Variants in B3GALT1 observed in about 807,000 individuals in gnomAD.
B3GALT1 encodes UDP-Gal:betaGlcNAc beta 1,3-galactosyltransferase, polypeptide 1.
Under a neutral mutation model 23.2 loss-of-function variants are expected in B3GALT1, and 10 were observed. The observed-to-expected ratio is 0.43, with a 90% CI of 0.27 to 0.73. The LOEUF is 0.73. Ranked by LOEUF, B3GALT1 falls within the 30% of genes least tolerant of loss-of-function variation. B3GALT1 has a pLI of 0.21. For missense variants in B3GALT1, 299 were observed against 405.4 expected (o/e 0.74, Z 2.25); for synonymous variants, 156 against 141.5 (o/e 1.10, Z -0.73).
chr2:167,306,265 A>G (rs1200488914), intron 1 of B3GALT1, among the ~76,000 whole-genome samples: 1 of 152,032 alleles, frequency 6.6e-6, no homozygotes, highest in East Asian at 1.9e-4. Context: ...TTGTAATAAA[A>G]TATAAAATGA....
At chr2:167,375,654 TA>T (rs2105272595) in intron 1 of B3GALT1, among the ~76,000 whole-genome samples, 1 of 152,326 alleles carries the variant, frequency 6.6e-6, no homozygotes, top group Admixed American at 6.5e-5. Context: ...GTTATTGGTG[TA>T]TAGAAATGCT....
At chr2:167,448,531 A>C (rs556675690) in intron 1 of B3GALT1, among the ~76,000 whole-genome samples, 1 of 152,122 alleles carries the variant, frequency 6.6e-6, no homozygotes, top group African/African-American at 2.4e-5. Context: ...TCAGATGTAT[A>C]GATTGTGAAG....
At chr2:167,818,242 T>C (rs1689036545) in intron 3 of B3GALT1, among the ~76,000 whole-genome samples, 1 of 152,244 alleles carries the variant, frequency 6.6e-6, no homozygotes, top group Non-Finnish European at 1.5e-5. Flanking sequence ...TATTTCTGTT[T>C]TTCCCTAAAA....
chr2:167,494,899 G>A (rs1003572839), intron 2 of B3GALT1, among the ~76,000 whole-genome samples: 1 of 151,912 alleles, frequency 6.6e-6, no homozygotes, highest in South Asian at 2.1e-4. Context: ...CTGACTTGGG[G>A]CCCTGGTATC....
chr2:167,418,887 A>G (rs1698507551), intron 1 of B3GALT1, among the ~76,000 whole-genome samples: 1 of 152,066 alleles, frequency 6.6e-6, no homozygotes, highest in Admixed American at 6.5e-5. Context: ...AAGGTGTGGG[A>G]GGATTAACTG....
At chr2:167,437,527 T>C (rs113283831) in intron 1 of B3GALT1, among the ~76,000 whole-genome samples, 2 of 152,152 alleles carry the variant, frequency 1.3e-5, no homozygotes, top group Non-Finnish European at 2.9e-5. Context: ...TAAAACACCA[T>C]GTAATTTTCT....
At chr2:167,795,258 A>G (rs1315718953) in intron 3 of B3GALT1, among the ~76,000 whole-genome samples, 1 of 152,212 alleles carries the variant, frequency 6.6e-6, no homozygotes, top group East Asian at 1.9e-4. Context: ...CCAAAACTCT[A>G]AGGCAAGACA....
In B3GALT1 at chr2:167,396,530, ATATATGTGTG is replaced by A. The variant is rs1416865008; in HGVS notation, c.-510-93645_-510-93636del. 7.4e-3 allele frequency among the ~76,000 whole-genome samples: 539 copies of A among 72,696 alleles called. 1 individual carries two copies. The highest frequency in any genetic ancestry group is 0.019 in the African/African-American group (512 of 26,900). The allele number at this position is 72,696 out of a possible 152,430, so 47.7% of individuals were successfully genotyped here. On this transcript the variant is annotated intron_variant, in intron 1 of 4. Coordinates refer to ENST00000392690, the MANE Select transcript of B3GALT1 (RefSeq NM_020981.4). ...CAAAAGTCTGCAAATATATATATAT[ATATATGTGTG>A]TGTGTGTGTGTGTGTGTGTGTGTGT...
In B3GALT1 at chr2:167,389,009, C is replaced by CT. The variant is rs560260144; in HGVS notation, c.-511+95683dup. Among the ~76,000 whole-genome samples the CT allele has an allele frequency of 3.3e-4, 50 of 152,096 alleles. No homozygotes were observed. The South Asian group carries it at 7.5e-3, about 23-fold the overall frequency. Reference sequence around the variant, plus strand: ...AATAATTTCCTAGAGTGTAAATTATCTTTTTTTTCCTTTTAAATTCTGGGA... The same window carrying CT: ...AATAATTTCCTAGAGTGTAAATTATCTTTTTTTTTCCTTTTAAATTCTGGGA... On this transcript the variant is annotated intron_variant, in intron 1 of 4. Coordinates refer to ENST00000392690, the MANE Select transcript of B3GALT1 (RefSeq NM_020981.4).
chr2:167,639,015 G>A (rs565728933), intron 2 of B3GALT1, among the ~76,000 whole-genome samples: 3 of 151,982 alleles, frequency 2.0e-5, no homozygotes, highest in Admixed American at 6.6e-5. Context: ...CAAGGAGTAT[G>A]CTTAGTTAAT....
At chr2:167,760,280 A>G (rs368434945) in intron 3 of B3GALT1, among the ~76,000 whole-genome samples, 1 of 152,236 alleles carries the variant, frequency 6.6e-6, no homozygotes, top group Non-Finnish European at 1.5e-5. Context: ...AAATTTTCAT[A>G]ATAAATGAGA....
intron 3 of B3GALT1, among the ~76,000 whole-genome samples, chr2:167,768,269 C>T (rs2105305881): frequency 6.6e-6 from 1 of 152,320 alleles, no homozygotes; most frequent in Middle Eastern, 3.4e-3. Context: ...TGTAGAGAAG[C>T]TTCTTCATGC....
chr2:167,499,831 C>T (rs1457624756), intron 2 of B3GALT1, among the ~76,000 whole-genome samples: 1 of 151,968 alleles, frequency 6.6e-6, no homozygotes, highest in East Asian at 1.9e-4. Flanking sequence ...AACAAAATAA[C>T]AATGTAGGTA....
chr2:167,727,849 T>G (rs1687343625), intron 3 of B3GALT1, among the ~76,000 whole-genome samples: 1 of 152,194 alleles, frequency 6.6e-6, no homozygotes, highest in Non-Finnish European at 1.5e-5. Context: ...TTTCGTTTTC[T>G]GCTTAATTGT....
At chr2:167,744,839 C>T (rs1033327028) in intron 3 of B3GALT1, among the ~76,000 whole-genome samples, 5 of 152,156 alleles carry the variant, frequency 3.3e-5, no homozygotes, top group East Asian at 1.9e-4. Flanking sequence ...CCGCCTGCCT[C>T]GGCCTCCCAA....
intron 1 of B3GALT1, among the ~76,000 whole-genome samples, chr2:167,399,821 T>G (rs1698158731): frequency 6.6e-6 from 1 of 152,094 alleles, no homozygotes; most frequent in African/African-American, 2.4e-5. Flanking sequence ...ATTTTATATT[T>G]TCTTCTGTCT....
At chr2:167,510,407 GTTTTTTTT>G (rs35191590) in intron 2 of B3GALT1, among the ~76,000 whole-genome samples, 5 of 111,092 alleles carry the variant, frequency 4.5e-5, no homozygotes, top group Non-Finnish European at 1.0e-4. Flanking sequence ...TGCAAGTTTT[GTTTTTTTT>G]TTTTTTTTTT....
intron 1 of B3GALT1, among the ~76,000 whole-genome samples, chr2:167,446,622 A>T (rs914093036): frequency 6.6e-6 from 1 of 152,088 alleles, no homozygotes; most frequent in Non-Finnish European, 1.5e-5. Context: ...TTTGGTCTTC[A>T]GTCACTGATA....
chr2:167,300,454 A>C (rs955072068), intron 1 of B3GALT1, among the ~76,000 whole-genome samples: 1 of 152,216 alleles, frequency 6.6e-6, no homozygotes, highest in Admixed American at 6.5e-5. Flanking sequence ...CAGATATTCT[A>C]AAGTTCATCT....
Sources: gnomAD v4.1 joint callset for allele counts (sites outside exome capture counted in the v4.1 genomes callset) on GRCh38, gnomAD v4.1.1 for gene constraint, MANE v1.5 for transcripts, NCBI Gene and HGNC (gene_info 2026-07-23, HGNC 2026-07-21) for gene names.